DDAH1: variants seen among roughly 807,000 people sequenced by gnomAD.
DDAH1 encodes the protein N(G),N(G)-dimethylarginine dimethylaminohydrolase 1.
A neutral mutation model predicts 28.8 loss-of-function variants in DDAH1; 19 were observed. The ratio of observed to expected loss-of-function variants is 0.66; its 90% confidence interval spans 0.46 to 0.97. The LOEUF (loss-of-function observed/expected upper bound fraction) is 0.97. Ranked by LOEUF, DDAH1 falls within the 50% of genes least tolerant of loss-of-function variation. DDAH1 has a pLI of 0.00. For synonymous variants in DDAH1, 153 were observed against 154.4 expected (o/e 0.99, Z 0.07); for missense variants, 326 against 375.9 (o/e 0.87, Z 1.10).
intron 1 of DDAH1, among the ~76,000 whole-genome samples, chr1:85,394,840 C>G (rs1182619379): frequency 2.0e-5 from 3 of 152,156 alleles, no homozygotes; most frequent in Non-Finnish European, 2.9e-5. Flanking sequence ...AAGTAACATT[C>G]CTGAAATGTC....
At chr1:85,435,479 C>A (rs1291980995) in intron 1 of DDAH1, among the ~76,000 whole-genome samples, 1 of 152,166 alleles carries the variant, frequency 6.6e-6, no homozygotes, top group Non-Finnish European at 1.5e-5. Flanking sequence ...GCAATACATA[C>A]AAAATCCCCA....
chr1:85,479,334 C>T lies in DDAH1; in HGVS notation c.-7+16832G>A, dbSNP rs1052485985. On this transcript the variant is annotated intron_variant, in intron 2 of 6. Transcript: ENST00000426972. ...GACTACAGGCGCCCGCCACCGCGCC[C>T]GGCTAATTTTTTGTATTTTTAGTAG... Among the ~76,000 whole-genome samples the T allele has an allele frequency of 4.0e-5, 6 of 151,102 alleles. 1 individual carries two copies. The highest frequency in any genetic ancestry group is 2.0e-4 in the Admixed American group (3 of 15,194).
Position 85,548,602 on chromosome 1 carries a change from C to CT in DDAH1, c.-123+29381dup, listed in dbSNP as rs1441892833. Among the ~76,000 whole-genome samples, 4 of 152,202 alleles carry CT rather than the reference C, an allele frequency of 2.6e-5. No individual in the cohort carries two copies. In the South Asian group the frequency reaches 8.3e-4, roughly 32 times the overall value. ...GTAGCTTCAGAATAATTCACTTTGA[C>CT]TTTCAGCAAGCCAGGTGCTCAGAAG... On this transcript the variant is annotated intron_variant, in intron 1 of 6. Coordinates refer to the DDAH1 transcript ENST00000426972.
intron 1 of DDAH1, among the ~76,000 whole-genome samples, chr1:85,384,208 G>A (rs1651139518): frequency 6.6e-6 from 1 of 152,036 alleles, no homozygotes. Flanking sequence ...ATTTTCTGCT[G>A]GTTCTTTCTC....
intron 1 of DDAH1, among the ~76,000 whole-genome samples, chr1:85,369,598 C>G (rs1435846931): frequency 6.6e-6 from 1 of 152,166 alleles, no homozygotes; most frequent in Non-Finnish European, 1.5e-5. Flanking sequence ...TAATTCTGTT[C>G]ATTTGCTTAG....
chr1:85,514,544 G>A (rs34166951), intron 1 of DDAH1, among the ~76,000 whole-genome samples: 8,891 of 137,782 alleles, frequency 0.065, 345 homozygotes, highest in Middle Eastern at 0.17. Context: ...AAAAAAAAAG[G>A]CAAGGTAAAT....
chr1:85,510,747 CAAAG>C (rs1449485599), intron 1 of DDAH1, among the ~76,000 whole-genome samples: 2 of 152,116 alleles, frequency 1.3e-5, no homozygotes, highest in African/African-American at 4.8e-5. Context: ...TCAAAAGAGA[CAAAG>C]AAGGCCATTA....
upstream of DDAH1, among the ~76,000 whole-genome samples, chr1:85,466,832 C>CTTTTTTTTTTTT (rs10675813): frequency 5.6e-3 from 397 of 70,708 alleles, 46 homozygotes; most frequent in African/African-American, 8.2e-3. Context: ...ATTATTTATT[C>CTTTTTTTTTTTT]TTTTTTTTTT....
chr1:85,452,083 C>T (rs1271852198), intron 1 of DDAH1, among the ~76,000 whole-genome samples: 1 of 152,106 alleles, frequency 6.6e-6, no homozygotes, highest in Non-Finnish European at 1.5e-5. Context: ...TCTTCCTCGC[C>T]ATCCCCTGCA....
intron 1 of DDAH1, among the ~76,000 whole-genome samples, chr1:85,546,988 C>T (rs952928202): frequency 1.3e-5 from 2 of 152,096 alleles, no homozygotes; most frequent in Non-Finnish European, 2.9e-5. Context: ...ACCCTGTACT[C>T]TGGGGATTGA....
rs565406917 is a variant in DDAH1 at position 85,508,986 on chromosome 1, T to C, written c.-122-12705A>G. 4.7e-4 allele frequency among the ~76,000 whole-genome samples: 72 copies of C among 152,340 alleles called. 1 individual carries two copies. The South Asian group carries it at 0.012, about 25-fold the overall frequency. ...AGCAGTGGTGCTCCCAGCCAGGCGTTTGAGCTCTGAGAACAGACAGACTGA... is the reference window on the plus strand; with the variant it reads ...AGCAGTGGTGCTCCCAGCCAGGCGTCTGAGCTCTGAGAACAGACAGACTGA... On this transcript the variant is annotated intron_variant, in intron 1 of 6. Transcript: ENST00000426972.
Position 85,465,025 on chromosome 1 carries a change from G to A in DDAH1, c.21C>T (p.Pro7=), listed in dbSNP as rs1307590553. Residue 7 remains proline (P), a synonymous_variant, in exon 1 of 6, where the codon CCC becomes CCT. Transcript: ENST00000284031. ...CGTGGGTGGCCCGGCCGAAGGCGGC[G>A]GGGTGGCCGAGCCCGGCCATGGCTT... MAGLGH[P]AAFGRATHAV... The A allele has an allele frequency of 1.7e-5, 22 of 1,327,192 alleles. No homozygotes were observed. Among genetic ancestry groups the A allele is most frequent in the Non-Finnish European group, 2.0e-5 (21 of 1,041,874 alleles). The allele number at this position is 1,327,192 out of a possible 1,614,324, so 82.2% of individuals were successfully genotyped here.
intron 1 of DDAH1, among the ~76,000 whole-genome samples, chr1:85,417,628 A>T (rs563360003): frequency 1.3e-5 from 2 of 152,294 alleles, no homozygotes; most frequent in Admixed American, 1.3e-4. Flanking sequence ...AAGCCTTAAA[A>T]ATATTTCTCT....
chr1:85,331,177 A>G (rs1647736370), intron 4 of DDAH1, among the ~76,000 whole-genome samples: 1 of 152,132 alleles, frequency 6.6e-6, no homozygotes, highest in Non-Finnish European at 1.5e-5. Context: ...AGTTCCCAAC[A>G]TTTCTGGGAA....
intron 1 of DDAH1, among the ~76,000 whole-genome samples, chr1:85,454,242 T>A (rs990384497): frequency 2.1e-4 from 32 of 152,236 alleles, no homozygotes; most frequent in African/African-American, 7.2e-4. Flanking sequence ...AAAGGTAGAA[T>A]CAGCTTCTAG....
intron 1 of DDAH1, among the ~76,000 whole-genome samples, chr1:85,384,716 C>T (rs1355013757): frequency 1.3e-5 from 2 of 152,094 alleles, no homozygotes; most frequent in African/African-American, 4.8e-5. Flanking sequence ...ATATAATGTC[C>T]CATAACTCAA....
intron 1 of DDAH1, among the ~76,000 whole-genome samples, chr1:85,510,550 C>G (rs955954341): frequency 1.3e-5 from 2 of 152,138 alleles, no homozygotes; most frequent in African/African-American, 4.8e-5. Context: ...AAGACACAGA[C>G]TGGCAAACTG....
intron 1 of DDAH1, among the ~76,000 whole-genome samples, chr1:85,558,765 T>C (rs1039967421): frequency 1.3e-5 from 2 of 152,166 alleles, no homozygotes; most frequent in African/African-American, 4.8e-5. Flanking sequence ...AATCTCATCA[T>C]CTGGAGATAA....
intron 4 of DDAH1, among the ~76,000 whole-genome samples, chr1:85,336,112 A>T (rs1196712658): frequency 6.6e-6 from 1 of 152,244 alleles, no homozygotes; most frequent in Non-Finnish European, 1.5e-5. Context: ...CAGAAAGTGA[A>T]CAAAGACACG....
Sources: gnomAD v4.1 joint callset for allele counts (sites outside exome capture counted in the v4.1 genomes callset) on GRCh38, gnomAD v4.1.1 for gene constraint, MANE v1.5 for transcripts, NCBI Gene and HGNC (gene_info 2026-07-23, HGNC 2026-07-21) for gene names.